Variants in KANSL1 observed in about 807,000 individuals in gnomAD.
KANSL1 encodes the protein MLL1/MLL complex subunit KANSL1.
Under a neutral mutation model 103.6 loss-of-function variants are expected in KANSL1, and 22 were observed. The observed-to-expected ratio is 0.21, with a 90% CI of 0.15 to 0.30. The LOEUF is 0.30. Ranked by LOEUF, KANSL1 falls within the 10% of genes least tolerant of loss-of-function variation. The pLI is 1.00. For synonymous variants in KANSL1, 600 were observed against 527.6 expected, an observed-to-expected ratio of 1.14 and a Z score of -1.88; for missense variants, 1,337 against 1,399.8, an observed-to-expected ratio of 0.96 and a Z score of 0.72.
Position 46,058,743 on chromosome 17 carries a change from ACTCTCTCTCTCTCTCTCTCTCTCTCT to A in KANSL1, c.1848+7768_1848+7793del, listed in dbSNP as rs756932556. ...CACACACACACACACACACACACAC[ACTCTCTCTCTCTCTCTCTCTCTCTCT>A]CTCTCTCTCTCTCTCTCTCTCTCAA... On this transcript the variant is annotated intron_variant, in intron 6 of 14. Coordinates refer to ENST00000432791, the MANE Select transcript of KANSL1 (RefSeq NM_015443.4). Among the ~76,000 whole-genome samples the A allele has an allele frequency of 1.8e-4, 12 of 68,028 alleles. No homozygotes were observed. In the East Asian group the frequency reaches 1.8e-3, roughly 10 times the overall value. The allele number at this position is 68,028 out of a possible 152,430, so 44.6% of individuals were successfully genotyped here.
At chr17:46,088,845 G>A (rs1372593670) in intron 3 of KANSL1, among the ~76,000 whole-genome samples, 15 of 152,182 alleles carry the variant, frequency 9.9e-5, no homozygotes, top group Non-Finnish European at 8.8e-5. Context: ...ACTATGATCT[G>A]GCCATTGCAC....
At chr17:46,070,038 C>A (rs9898030) in intron 4 of KANSL1, among the ~76,000 whole-genome samples, 16,504 of 152,194 alleles carry the variant, frequency 0.11, 1,249 homozygotes, top group Non-Finnish European at 0.16. Context: ...CCTTGGAAAG[C>A]AACACGGTAT....
Position 46,031,273 on chromosome 17 carries a change from A to C in KANSL1, c.*203T>G. 1.6e-6 allele frequency: 1 copy of C among 616,290 alleles called. No individual in the cohort carries two copies. The highest frequency in any genetic ancestry group is 2.8e-6 in the Non-Finnish European group (1 of 353,564). The allele number at this position is 616,290 out of a possible 1,614,324, so 38.2% of individuals were successfully genotyped here. A position where few individuals can be genotyped will look rare whatever the true frequency, so the allele number is the denominator to read the frequency against. The stretch of plus-strand genomic sequence containing the variant: ...TGTTTGCCAACGGGAGGAAGTGCTC[A>C]GGTGTGTGACAAGAAAACATGGAAA... On this transcript the variant is annotated 3_prime_UTR_variant, in exon 15 of 15. Transcript: ENST00000432791.
chr17:46,144,745 T>TAGAATAG lies in KANSL1; in HGVS notation c.1289+26109_1289+26110insCTATTCT, dbSNP rs1302244150. Among the ~76,000 whole-genome samples, 1,128 of 152,300 alleles carry TAGAATAG rather than the reference T, an allele frequency of 7.4e-3. 22 individuals carry two copies. The highest frequency in any genetic ancestry group is 0.026 in the African/African-American group (1,064 of 41,544). On this transcript the variant is annotated intron_variant, in intron 2 of 14. Coordinates refer to ENST00000432791, the MANE Select transcript of KANSL1 (RefSeq NM_015443.4). The stretch of plus-strand genomic sequence containing the variant: ...TAGAATAGGCTAGTAGTGATGATTT[T>TAGAATAG]GCTTTTTCAGTCCCCTCCTCACAAA...
chr17:46,192,255 G>A (rs2147925332), intron 1 of KANSL1, among the ~76,000 whole-genome samples: 1 of 151,990 alleles, frequency 6.6e-6, no homozygotes, highest in Non-Finnish European at 1.5e-5. Context: ...CCCCAAAAAG[G>A]CAGTTAAGAT....
At position 46,071,090 on chromosome 17, in the gene KANSL1, T is replaced by C. The variant is rs150412987; in HGVS notation, c.1534-3423A>G. Among the ~76,000 whole-genome samples, 982 of 152,340 alleles carry C rather than the reference T, an allele frequency of 6.4e-3. 6 individuals are homozygous for C. Among genetic ancestry groups the C allele is most frequent in the Middle Eastern group, 0.041 (12 of 294 alleles). ...TGTTTCTCATGTCTGCAGGTGTATA[T>C]ATTTAAATGCTATTCAGCTTTAACA... On this transcript the variant is annotated intron_variant, in intron 4 of 14. Transcript: ENST00000432791.
upstream of KANSL1, among the ~76,000 whole-genome samples, chr17:46,194,763 G>T (rs182182704): frequency 1.1e-3 from 166 of 152,306 alleles, no homozygotes; most frequent in Non-Finnish European, 1.3e-3. Context: ...TGGCTTACCA[G>T]AACCAATATC....
chr17:46,149,281 G>A (rs1308676314), intron 2 of KANSL1, among the ~76,000 whole-genome samples: 1 of 152,226 alleles, frequency 6.6e-6, no homozygotes, highest in Non-Finnish European at 1.5e-5. Context: ...GATTACAGGC[G>A]TAAGCCACTG....
At chr17:46,141,002 T>C (rs956658016) in intron 2 of KANSL1, among the ~76,000 whole-genome samples, 10 of 152,062 alleles carry the variant, frequency 6.6e-5, no homozygotes, top group African/African-American at 2.4e-4. Context: ...ATGTGTTAAA[T>C]GCTGAGGATG....
intron 2 of KANSL1, among the ~76,000 whole-genome samples, chr17:46,108,354 T>G (rs976191521): frequency 6.6e-6 from 1 of 152,226 alleles, no homozygotes; most frequent in African/African-American, 2.4e-5. Context: ...CTAAAGCAGA[T>G]ATCCTCACTT....
rs192982415 is a variant in KANSL1, at chr17:46,184,180, G to C, written c.-90+8643C>G. On this transcript the variant is annotated intron_variant, in intron 1 of 14. Transcript: ENST00000432791. ...AGGTAGCCTAGCTTGATAAAGTACT[G>C]TATTTCACCTGAAGGGGTCAAGGAA... 9.0e-4 allele frequency among the ~76,000 whole-genome samples: 137 copies of C among 152,336 alleles called. 3 individuals carry two copies. In the East Asian group the frequency reaches 0.022, roughly 24 times the overall value.
At chr17:46,165,795 GCCA>G (rs2045966284) in intron 2 of KANSL1, among the ~76,000 whole-genome samples, 1 of 152,022 alleles carries the variant, frequency 6.6e-6, no homozygotes. Flanking sequence ...ACAGACATGA[GCCA>G]CCAAGCCAGA....
At chr17:46,100,642 G>A (rs1230327712) in intron 2 of KANSL1, among the ~76,000 whole-genome samples, 2 of 152,136 alleles carry the variant, frequency 1.3e-5, no homozygotes, top group Non-Finnish European at 2.9e-5. Context: ...GTATTTATTA[G>A]ATAAGTAGCA....
intron 4 of KANSL1, among the ~76,000 whole-genome samples, chr17:46,078,953 C>A (rs1479081002): frequency 6.6e-6 from 1 of 152,144 alleles, no homozygotes; most frequent in Non-Finnish European, 1.5e-5. Flanking sequence ...AAGCTAGAGG[C>A]CCGTTAAGTT....
chr17:46,113,494 G>C (rs2042910928), intron 2 of KANSL1, among the ~76,000 whole-genome samples: 1 of 152,144 alleles, frequency 6.6e-6, no homozygotes, highest in East Asian at 1.9e-4. Context: ...GTTAAAGTTA[G>C]GCATATGCAA....
At chr17:46,085,289 C>T (rs1007160741) in intron 3 of KANSL1, among the ~76,000 whole-genome samples, 2 of 152,224 alleles carry the variant, frequency 1.3e-5, no homozygotes, top group South Asian at 4.2e-4. Flanking sequence ...TCCAAATTGC[C>T]GTTCGTCCTT....
intron 2 of KANSL1, among the ~76,000 whole-genome samples, chr17:46,168,226 A>G (rs1419516289): frequency 2.6e-5 from 4 of 152,272 alleles, no homozygotes; most frequent in Non-Finnish European, 5.9e-5. Flanking sequence ...AAAACCTTTA[A>G]AACACTCAGA....
At chr17:46,130,187 CAAAAAAA>C (rs35017603) in intron 2 of KANSL1, among the ~76,000 whole-genome samples, 10 of 75,472 alleles carry the variant, frequency 1.3e-4, no homozygotes, top group Non-Finnish European at 1.9e-4. Flanking sequence ...ATCCTGTCTC[CAAAAAAA>C]AAAAAAAAAA....
intron 1 of KANSL1, among the ~76,000 whole-genome samples, chr17:46,205,313 C>T (rs1366424320): frequency 6.6e-6 from 1 of 152,012 alleles, no homozygotes; most frequent in Non-Finnish European, 1.5e-5. Context: ...TATTTCTATA[C>T]ACAAGCAATA....
Sources: allele counts gnomAD v4.1 joint callset (sites outside exome capture counted in the v4.1 genomes callset), GRCh38; gene constraint gnomAD v4.1.1; transcripts MANE v1.5; gene names NCBI Gene and HGNC (gene_info 2026-07-23, HGNC 2026-07-21).